CDC42BPB: variants seen among roughly 807,000 people sequenced by gnomAD.
CDC42BPB encodes the protein CDC42 binding protein kinase beta, also known as serine/threonine-protein kinase MRCK beta.
In CDC42BPB, 37 loss-of-function variants were observed where a neutral mutation model predicts 214.9. The observed-to-expected ratio is 0.17, with a 90% CI of 0.13 to 0.23. The LOEUF (loss-of-function observed/expected upper bound fraction) is 0.23. Among genes scored for constraint, CDC42BPB ranks in the 10% least tolerant of loss-of-function variants. The pLI is 1.00. For missense variants in CDC42BPB, 1,694 were observed against 2,227.0 expected (o/e 0.76, Z 4.82); for synonymous variants, 931 against 884.0 (o/e 1.05, Z -0.94).
At position 102,978,042 on chromosome 14, in the gene CDC42BPB, G is replaced by A. The variant is rs892485632; in HGVS notation, c.1220+84C>T. The stretch of plus-strand genomic sequence containing the variant: ...CAGCGCACACACCACCCACTAGCCC[G>A]CCCCCAGGGACAGACTGTGGTGTCT... On this transcript the variant is annotated intron_variant, in intron 9 of 36. Transcript: ENST00000361246. 12 of 1,070,846 alleles carry A rather than the reference G, an allele frequency of 1.1e-5. No homozygotes were observed. The Admixed American group carries it at 1.4e-4, about 13-fold the overall frequency. 66.3% of individuals were successfully genotyped at this position (1,070,846 alleles called of 1,614,324 possible).
chr14:103,035,213 A>G (rs1463877509), intron 1 of CDC42BPB, among the ~76,000 whole-genome samples: 2 of 152,040 alleles, frequency 1.3e-5, no homozygotes, highest in Admixed American at 1.3e-4. Flanking sequence ...ATGTGCCACC[A>G]TGCCCGGCTA....
intron 26 of CDC42BPB, 91 bp from the exon 27 acceptor site, chr14:102,947,893 C>T (rs1892256952): frequency 4.4e-6 from 7 of 1,596,332 alleles, no homozygotes; most frequent in African/African-American, 1.3e-5. Flanking sequence ...CCTGCCATGT[C>T]CTTCCACCAC....
At chr14:103,019,759 C>CA (rs900085269) in intron 1 of CDC42BPB, among the ~76,000 whole-genome samples, 1 of 152,234 alleles carries the variant, frequency 6.6e-6, no homozygotes, top group Non-Finnish European at 1.5e-5. Flanking sequence ...TCAATCTCTT[C>CA]ATTCCTCCTA....
intron 24 of CDC42BPB, among the ~76,000 whole-genome samples, chr14:102,951,437 T>C (rs1892485373): frequency 6.6e-6 from 1 of 152,162 alleles, no homozygotes; most frequent in Non-Finnish European, 1.5e-5. Flanking sequence ...GGGCAATCAC[T>C]GAGGGGGTAA....
rs1892059439 is a variant in CDC42BPB, at chr14:102,944,522, G to C, written c.3812-35C>G. On this transcript the variant is annotated intron_variant, in intron 29 of 36. Coordinates refer to ENST00000361246, the MANE Select transcript of CDC42BPB (RefSeq NM_006035.4). This position sits in a 1 kb window ranked among gnomAD's most constrained non-coding sequence, Gnocchi z 6.6. ...GGAGGACAAGAGCGTGAGGCCGACG[G>C]GACAGCCAGCAGCTCCCAGGGGCTG... 2 of 1,585,682 alleles carry C rather than the reference G, an allele frequency of 1.3e-6. No individual in the cohort carries two copies. The highest frequency in any genetic ancestry group is 2.2e-5 in the East Asian group (1 of 44,518).
chr14:102,939,293 G>A (rs1043818093), intron 34 of CDC42BPB, among the ~76,000 whole-genome samples: 1 of 152,228 alleles, frequency 6.6e-6, no homozygotes, highest in African/African-American at 2.4e-5. Flanking sequence ...TGGTACGAAG[G>A]TGTTACTGAG....
chr14:102,979,884 C>A (rs904401369), intron 8 of CDC42BPB, among the ~76,000 whole-genome samples: 6 of 152,152 alleles, frequency 3.9e-5, no homozygotes, highest in Non-Finnish European at 8.8e-5. Flanking sequence ...CAAACAAGTC[C>A]CACAGCTGGA....
intron 1 of CDC42BPB, among the ~76,000 whole-genome samples, chr14:103,012,719 C>T (rs1051151871): frequency 2.0e-5 from 3 of 152,084 alleles, no homozygotes; most frequent in Non-Finnish European, 2.9e-5. Flanking sequence ...ACAAGAGAAT[C>T]GTTTGAACCT....
intron 1 of CDC42BPB, among the ~76,000 whole-genome samples, chr14:103,053,619 A>T (rs1190221): frequency 3.3e-5 from 5 of 150,742 alleles, no homozygotes; most frequent in Admixed American, 2.0e-4. Context: ...AAAATTAGCC[A>T]GGCGTGATGG....
At chr14:102,947,683 C>T in intron 27 of CDC42BPB, 38 bp downstream of exon 27, 1 of 1,515,542 alleles carries the variant, frequency 6.6e-7, no homozygotes, top group Non-Finnish European at 9.2e-7. Flanking sequence ...CAGTTTTAAC[C>T]ATGTGCTTTG....
chr14:102,983,488 T>G, intron 7 of CDC42BPB, 68 bp downstream of exon 7: 1 of 1,586,082 alleles, frequency 6.3e-7, no homozygotes, highest in Non-Finnish European at 8.5e-7. Context: ...CTTCCTGCAC[T>G]AGTTGTGCTC....
At chr14:102,949,214 TCTCA>T (rs1181817717) in intron 26 of CDC42BPB, among the ~76,000 whole-genome samples, 2 of 152,122 alleles carry the variant, frequency 1.3e-5, no homozygotes, top group East Asian at 1.9e-4. Flanking sequence ...ACTGTCCTCT[TCTCA>T]CTAACAGATG....
At chr14:103,018,511 C>G (rs1466726181) in intron 1 of CDC42BPB, among the ~76,000 whole-genome samples, 1 of 152,154 alleles carries the variant, frequency 6.6e-6, no homozygotes. Context: ...GGTCCTGGAA[C>G]AGAGGAGGAA....
At chr14:102,957,760 G>A (rs1235105721) in intron 21 of CDC42BPB, among the ~76,000 whole-genome samples, 1 of 152,210 alleles carries the variant, frequency 6.6e-6, no homozygotes, top group African/African-American at 2.4e-5. Flanking sequence ...CACCCCAAGG[G>A]AGGCTGCTAC....
At chr14:103,007,523 A>C (rs1595138043) in intron 3 of CDC42BPB, among the ~76,000 whole-genome samples, 1 of 152,248 alleles carries the variant, frequency 6.6e-6, no homozygotes, top group East Asian at 1.9e-4. Flanking sequence ...GAGAGGGTCT[A>C]GAAACCCAAG....
intron 1 of CDC42BPB, among the ~76,000 whole-genome samples, chr14:103,048,923 A>G (rs1446232037): frequency 6.6e-6 from 1 of 152,166 alleles, no homozygotes; most frequent in Non-Finnish European, 1.5e-5. Context: ...AAAGAAAATA[A>G]AGAAAATTCA....
chr14:103,025,526 A>T (rs1887002519), intron 1 of CDC42BPB, among the ~76,000 whole-genome samples: 1 of 151,988 alleles, frequency 6.6e-6, no homozygotes, highest in Admixed American at 6.6e-5. Flanking sequence ...AAAAGAAAAA[A>T]AAAAGGAGGA....
intron 27 of CDC42BPB, 25 bp from the exon 28 acceptor site, chr14:102,946,709 AGAGAG>A (rs1164708538): frequency 5.6e-6 from 9 of 1,610,374 alleles, no homozygotes; most frequent in African/African-American, 1.3e-5. Flanking sequence ...ACAGAAGAGA[AGAGAG>A]AAGTCATCAA....
rs1282604230 is a variant in CDC42BPB, at chr14:102,968,712, T to C, written c.2000A>G (p.Lys667Arg). The C allele has an allele frequency of 3.1e-6, 5 of 1,613,674 alleles. No homozygotes were observed. The highest frequency in any genetic ancestry group is 3.4e-4 in the Middle Eastern group (2 of 5,876). Residue 667 changes from lysine (K) to arginine (R), a missense_variant, in exon 15 of 37, where the codon AAG (lysine) becomes AGG (arginine). This residue lies in a region of CDC42BPB where 462 missense variants were observed against 513.5 expected (regional missense o/e 0.90). Coordinates refer to ENST00000361246, the MANE Select transcript of CDC42BPB (RefSeq NM_006035.4). ...GGCACCCGCTCCCCGGCCTCCTTGC[T>C]TCACCTGAAGACAAAGGTTAACATA... ...MESELEALKVKQGGRGAGATL... is the reference protein window; with the variant it reads ...MESELEALKVRQGGRGAGATL...
Sources: allele counts gnomAD v4.1 joint callset (sites outside exome capture counted in the v4.1 genomes callset), GRCh38; gene constraint gnomAD v4.1.1; regional missense constraint gnomAD v4.1.1; non-coding constraint Gnocchi (gnomAD v3.1); transcripts MANE v1.5; gene names NCBI Gene and HGNC (gene_info 2026-07-23, HGNC 2026-07-21).